Variants in TNPO1 observed in about 807,000 individuals in gnomAD.
TNPO1 encodes the protein transportin 1, also known as transportin-1.
A neutral mutation model predicts 119.5 loss-of-function variants in TNPO1; 8 were observed. The observed-to-expected ratio is 0.07, with a 90% CI of 0.04 to 0.12. TNPO1 has a LOEUF of 0.12. TNPO1 is among the 10% of genes least tolerant of loss of function. The pLI is 1.00. For missense variants in TNPO1, 576 were observed against 1,089.8 expected (o/e 0.53, Z 6.64); for synonymous variants, 362 against 363.0 (o/e 1.00, Z 0.03).
chr5:72,855,895 C>T lies in TNPO1; in HGVS notation c.327C>T (p.Asp109=), dbSNP rs769513283. The change falls in exon 4 of 25, where the codon GAC becomes GAT. Residue 109 remains aspartate, a synonymous_variant. Coordinates refer to ENST00000337273, the MANE Select transcript of TNPO1 (RefSeq NM_002270.4). The part of the protein sequence containing the change: ...IKSECLNNIG[D]SSPLIRATVG... ...GTGAATGTTTAAATAATATTGGTGA[C>T]TCCTCTCCTCTGATTAGAGCCACTG... is the stretch of plus-strand genomic sequence containing the variant. 3 of 1,613,506 alleles carry T rather than the reference C, an allele frequency of 1.9e-6. No individual in the cohort carries two copies. The highest frequency in any genetic ancestry group is 1.3e-5 in the African/African-American group (1 of 74,896).
At chr5:72,875,830 TA>T in intron 8 of TNPO1, 93 bp downstream of exon 8, 1 of 1,368,064 alleles carries the variant, frequency 7.3e-7, no homozygotes, top group Non-Finnish European at 9.9e-7. Context: ...AAGGGGACTA[TA>T]AAATAGTTAT....
chr5:72,872,966 C>T (rs534027660), intron 7 of TNPO1, among the ~76,000 whole-genome samples: 19 of 152,010 alleles, frequency 1.2e-4, no homozygotes, highest in Admixed American at 7.2e-4. Context: ...ATTTTGGTGG[C>T]GGGGTATGTT....
intron 1 of TNPO1, among the ~76,000 whole-genome samples, chr5:72,817,834 T>C (rs989819356): frequency 1.9e-4 from 29 of 152,364 alleles, no homozygotes; most frequent in African/African-American, 6.7e-4. Flanking sequence ...TCCTGCAGCT[T>C]TTTAAGTTTC....
intron 13 of TNPO1, among the ~76,000 whole-genome samples, chr5:72,889,492 TATTA>T (rs1465363235): frequency 6.6e-6 from 1 of 152,144 alleles, no homozygotes; most frequent in Non-Finnish European, 1.5e-5. Flanking sequence ...TTTTTTTAGC[TATTA>T]ATTGTTAAGC....
intron 6 of TNPO1, 82 bp from the exon 7 acceptor site, chr5:72,872,557 A>G: frequency 1.1e-6 from 1 of 881,248 alleles, no homozygotes; most frequent in Non-Finnish European, 1.7e-6. Flanking sequence ...TAATATTTTT[A>G]TGGAGGAATG....
intron 20 of TNPO1, among the ~76,000 whole-genome samples, chr5:72,897,912 A>G (rs1446914740): frequency 6.6e-6 from 1 of 152,116 alleles, no homozygotes; most frequent in Non-Finnish European, 1.5e-5. Flanking sequence ...AGGTTTTCCA[A>G]ATAAGAAAGT....
chr5:72,867,443 A>G (rs1747000126), intron 6 of TNPO1, among the ~76,000 whole-genome samples: 2 of 152,220 alleles, frequency 1.3e-5, no homozygotes, highest in African/African-American at 2.4e-5. Context: ...ATAGGAAACT[A>G]TATTGCCTAG....
rs1430569620 is a variant in TNPO1, at chr5:72,910,655, CTT to C, written c.*1984_*1985del. 2 of 152,560 alleles carry C rather than the reference CTT, an allele frequency of 1.3e-5. No homozygotes were observed. The highest frequency in any genetic ancestry group is 1.9e-4 in the East Asian group (1 of 5,200). 9.5% of individuals were successfully genotyped at this position (152,560 alleles called of 1,614,324 possible). A position where few individuals can be genotyped will look rare whatever the true frequency, so the allele number is the denominator to read the frequency against. ...ACCATTTTTATAAGCAGTTGCTCCT[CTT>C]TGCATGGTTCTATTCTCTAAAAGTG... On this transcript the variant is annotated 3_prime_UTR_variant, in exon 25 of 25. Coordinates refer to ENST00000337273, the MANE Select transcript of TNPO1 (RefSeq NM_002270.4).
intron 4 of TNPO1, among the ~76,000 whole-genome samples, chr5:72,856,175 C>G (rs1489288103): frequency 2.0e-5 from 3 of 152,144 alleles, no homozygotes; most frequent in Non-Finnish European, 4.4e-5. Flanking sequence ...AATGGGGCAT[C>G]AACAAGTGAT....
chr5:72,857,963 G>T (rs1003694397), intron 4 of TNPO1, among the ~76,000 whole-genome samples: 41 of 152,316 alleles, frequency 2.7e-4, no homozygotes, highest in African/African-American at 9.9e-4. Flanking sequence ...ACAGAGATTG[G>T]TGAAATTGAC....
chr5:72,883,255 CA>C, intron 11 of TNPO1, 23 bp downstream of exon 11: 1 of 1,109,032 alleles, frequency 9.0e-7, no homozygotes, highest in Non-Finnish European at 1.4e-6. Flanking sequence ...GGGAAAAGCA[CA>C]GTTGCCTACT....
chr5:72,880,397 A>G (rs1185030952), intron 9 of TNPO1, among the ~76,000 whole-genome samples: 1 of 152,024 alleles, frequency 6.6e-6, no homozygotes, highest in Non-Finnish European at 1.5e-5. Context: ...ATTCTTGTAC[A>G]TTAATGTCTT....
chr5:72,856,018 A>G (rs539351716), intron 4 of TNPO1, 95 bp downstream of exon 4: 11 of 1,361,016 alleles, frequency 8.1e-6, no homozygotes, highest in Admixed American at 7.6e-5. Flanking sequence ...TGTCTGTTTC[A>G]TGTTAAATTG....
At chr5:72,906,200 G>C (rs1750131305) in intron 24 of TNPO1, among the ~76,000 whole-genome samples, 1 of 144,384 alleles carries the variant, frequency 6.9e-6, no homozygotes, top group Non-Finnish European at 1.5e-5. Context: ...ACTCAGTTGG[G>C]TTTTGGCCCA....
At chr5:72,878,953 A>G (rs912897243) in intron 9 of TNPO1, 2 of 499,704 alleles carry the variant, frequency 4.0e-6, no homozygotes, top group African/African-American at 4.0e-5. Context: ...GGCACGAACC[A>G]TGCCACTGTT....
intron 1 of TNPO1, among the ~76,000 whole-genome samples, chr5:72,840,906 C>T (rs1744882206): frequency 6.6e-6 from 1 of 152,106 alleles, no homozygotes. Context: ...ACGTCTTAGC[C>T]TATTTTCAAG....
Position 72,862,992 on chromosome 5 carries a change from TTGTGTGTGTG to T in TNPO1, c.462+1103_462+1112del, listed in dbSNP as rs71614493. Among the ~76,000 whole-genome samples, 59 of 144,868 alleles carry T rather than the reference TTGTGTGTGTG, an allele frequency of 4.1e-4. 1 individual carries two copies. The highest frequency in any genetic ancestry group is 1.4e-3 in the African/African-American group (53 of 39,114). ...TACATTAACTCTGACCTGTGGGTTTTTGTGTGTGTGTGTGTGTGTGTGTGTGTGTGTGTGG... is the reference window on the plus strand; with the variant it reads ...TACATTAACTCTGACCTGTGGGTTTTTGTGTGTGTGTGTGTGTGTGTGTGG... On this transcript the variant is annotated intron_variant, in intron 5 of 24. Coordinates refer to ENST00000337273, the MANE Select transcript of TNPO1 (RefSeq NM_002270.4).
chr5:72,869,885 C>T (rs183286487), intron 6 of TNPO1, among the ~76,000 whole-genome samples: 1 of 152,274 alleles, frequency 6.6e-6, no homozygotes, highest in Admixed American at 6.5e-5. Context: ...TGCCTTTGAT[C>T]ACCAGAAATC....
At chr5:72,842,658 C>A (rs1197915080) in intron 1 of TNPO1, among the ~76,000 whole-genome samples, 1 of 152,148 alleles carries the variant, frequency 6.6e-6, no homozygotes, top group African/African-American at 2.4e-5. Context: ...CTTCCTATGG[C>A]TCCTCCTGCC....
Sources: allele counts gnomAD v4.1 joint callset (sites outside exome capture counted in the v4.1 genomes callset), GRCh38; gene constraint gnomAD v4.1.1; transcripts MANE v1.5; gene names NCBI Gene and HGNC (gene_info 2026-07-23, HGNC 2026-07-21).